ESRRG: variants seen among roughly 807,000 people sequenced by gnomAD.
ESRRG encodes the protein estrogen related receptor gamma, also known as estrogen-related receptor gamma.
In ESRRG, 13 loss-of-function variants were observed where a neutral mutation model predicts 44.0. The ratio of observed to expected loss-of-function variants is 0.30; its 90% confidence interval spans 0.19 to 0.47. The LOEUF is 0.47. Ranked by LOEUF, ESRRG falls within the 20% of genes least tolerant of loss-of-function variation. ESRRG has a pLI of 1.00. For synonymous variants in ESRRG, 215 were observed against 214.6 expected, an observed-to-expected ratio of 1.00 and a Z score of -0.02; for missense variants, 395 against 580.6, an observed-to-expected ratio of 0.68 and a Z score of 3.29.
At chr1:216,839,335 C>A (rs187693165) in intron 2 of ESRRG, among the ~76,000 whole-genome samples, 6 of 152,332 alleles carry the variant, frequency 3.9e-5, no homozygotes, top group African/African-American at 1.4e-4. Context: ...ATTTCCACCA[C>A]ATCTGCACTT....
chr1:216,694,409 T>A (rs2079689889), intron 1 of ESRRG, among the ~76,000 whole-genome samples: 1 of 152,064 alleles, frequency 6.6e-6, no homozygotes, highest in South Asian at 2.1e-4. Context: ...TGGGGCCAGA[T>A]TGCAGAAGAT....
At chr1:217,101,883 C>T (rs1408839093) in intron 1 of ESRRG, among the ~76,000 whole-genome samples, 4 of 152,004 alleles carry the variant, frequency 2.6e-5, no homozygotes, top group East Asian at 1.9e-4. Flanking sequence ...CTTGGCTCAC[C>T]GCAACCTCTG....
chr1:217,024,230 T>C (rs2080835447), intron 1 of ESRRG, among the ~76,000 whole-genome samples: 1 of 151,788 alleles, frequency 6.6e-6, no homozygotes, highest in African/African-American at 2.4e-5. Context: ...TGGTGGTGGG[T>C]GCCTGTAGTC....
At chr1:216,839,003 G>A (rs1251017411) in intron 2 of ESRRG, among the ~76,000 whole-genome samples, 1 of 152,022 alleles carries the variant, frequency 6.6e-6, no homozygotes, top group African/African-American at 2.4e-5. Flanking sequence ...CCACAGTGAT[G>A]GAGTCTTCCT....
intron 1 of ESRRG, among the ~76,000 whole-genome samples, chr1:217,076,603 T>C (rs1305223520): frequency 6.6e-6 from 1 of 152,188 alleles, no homozygotes; most frequent in Non-Finnish European, 1.5e-5. Flanking sequence ...TGCATGTGCT[T>C]ATTACCATAT....
intron 3 of ESRRG, among the ~76,000 whole-genome samples, chr1:216,576,831 G>A (rs1409040714): frequency 6.6e-6 from 1 of 151,834 alleles, no homozygotes; most frequent in East Asian, 1.9e-4. Flanking sequence ...TATGTCATCT[G>A]CAACAGGTGA....
At chr1:216,726,932 A>G (rs1290948245), upstream of ESRRG, among the ~76,000 whole-genome samples, 1 of 152,220 alleles carries the variant, frequency 6.6e-6, no homozygotes, top group Non-Finnish European at 1.5e-5. Context: ...CAGACATTTT[A>G]TTACATTTAA....
intron 1 of ESRRG, among the ~76,000 whole-genome samples, chr1:216,681,555 T>C (rs531155599): frequency 3.5e-4 from 53 of 152,252 alleles, no homozygotes; most frequent in Admixed American, 3.1e-3. Flanking sequence ...AAAAAGCATT[T>C]CAAAACAGTT....
chr1:216,859,885 A>G (rs1047987108), intron 2 of ESRRG, among the ~76,000 whole-genome samples: 1 of 152,212 alleles, frequency 6.6e-6, no homozygotes, highest in Non-Finnish European at 1.5e-5. Context: ...CAGTCACTCA[A>G]AAGAAGCAGG....
chr1:216,555,535 TA>T (rs5780894), intron 5 of ESRRG, among the ~76,000 whole-genome samples: 69,379 of 144,758 alleles, frequency 0.48, 18,452 homozygotes, highest in Admixed American at 0.59. Flanking sequence ...GTGCCCTCTT[TA>T]AAAAAAAAAA....
At chr1:216,948,525 G>C (rs1261790909) in intron 1 of ESRRG, among the ~76,000 whole-genome samples, 1 of 149,200 alleles carries the variant, frequency 6.7e-6, no homozygotes, top group Non-Finnish European at 1.5e-5. Context: ...CCTAATATTA[G>C]CTAATATTAG....
chr1:216,929,592 C>T (rs142910440), intron 2 of ESRRG, among the ~76,000 whole-genome samples: 2 of 152,192 alleles, frequency 1.3e-5, no homozygotes, highest in African/African-American at 2.4e-5. Context: ...ACATTCCAGA[C>T]AGAGAGAATG....
At chr1:217,079,650 A>G (rs766656033) in intron 1 of ESRRG, among the ~76,000 whole-genome samples, 1 of 152,164 alleles carries the variant, frequency 6.6e-6, no homozygotes, top group Non-Finnish European at 1.5e-5. Context: ...CTGTTTCCTC[A>G]TCTGTGAAAT....
intron 1 of ESRRG, among the ~76,000 whole-genome samples, chr1:217,053,889 A>G (rs1294627452): frequency 1.3e-5 from 2 of 152,098 alleles, no homozygotes; most frequent in East Asian, 1.9e-4. Flanking sequence ...GTGGGTCCCA[A>G]TGGCACAAAG....
chr1:216,523,501 TG>T lies in ESRRG; in HGVS notation c.863-4081del, dbSNP rs1186423093. ...ACTCATCAAGCACTGTTTTTTTTTT[TG>T]TTTTTTTTTTTTTTTAGCCTGGCAA... On this transcript the variant is annotated intron_variant, in intron 5 of 6. Transcript: ENST00000408911. 9.0e-3 allele frequency among the ~76,000 whole-genome samples: 672 copies of T among 74,322 alleles called. 42 individuals carry two copies. The highest frequency in any genetic ancestry group is 0.028 in the South Asian group (38 of 1,362). The allele number at this position is 74,322 out of a possible 152,430, so 48.8% of individuals were successfully genotyped here. A position where few individuals can be genotyped will look rare whatever the true frequency, so the allele number is the denominator to read the frequency against.
At chr1:217,093,236 T>G (rs960693781), upstream of ESRRG, among the ~76,000 whole-genome samples, 30 of 152,346 alleles carry the variant, frequency 2.0e-4, no homozygotes, top group African/African-American at 7.2e-4. Flanking sequence ...TTAACCATTC[T>G]GGGCCTCAGT....
intron 2 of ESRRG, among the ~76,000 whole-genome samples, chr1:216,795,586 C>G (rs2094450839): frequency 6.6e-6 from 1 of 151,824 alleles, no homozygotes; most frequent in South Asian, 2.1e-4. Flanking sequence ...AGTGATCCAC[C>G]CGCCTCGGCC....
chr1:216,989,054 A>G (rs994231512), intron 1 of ESRRG, among the ~76,000 whole-genome samples: 4 of 152,142 alleles, frequency 2.6e-5, no homozygotes, highest in African/African-American at 9.7e-5. Context: ...TGCCCACACA[A>G]CTATAAGTGC....
chr1:216,569,111 A>AGAAG lies in ESRRG; in HGVS notation c.590-1017_590-1014dup, dbSNP rs375350792. Among the ~76,000 whole-genome samples, 472 of 104,444 alleles carry AGAAG rather than the reference A, an allele frequency of 4.5e-3. 22 individuals carry two copies. In the East Asian group the frequency reaches 0.06, roughly 13 times the overall value. 68.5% of individuals were successfully genotyped at this position (104,444 alleles called of 152,430 possible). ...AAGGAAGGAAGGAAGGAAGGAAGGAAGAAGGAAGGAAGGAAGGAAGGAAAG... is the reference window on the plus strand; with the variant it reads ...AAGGAAGGAAGGAAGGAAGGAAGGAAGAAGGAAGGAAGGAAGGAAGGAAGGAAAG... On this transcript the variant is annotated intron_variant, in intron 3 of 6. Transcript: ENST00000408911.
Sources: gnomAD v4.1 joint callset for allele counts (sites outside exome capture counted in the v4.1 genomes callset) on GRCh38, gnomAD v4.1.1 for gene constraint, MANE v1.5 for transcripts, NCBI Gene and HGNC (gene_info 2026-07-23, HGNC 2026-07-21) for gene names.